The following RNF121 variants were observed in gnomAD, a reference collection of about 807,000 sequenced individuals.
RNF121 encodes E3 ubiquitin ligase RNF121.
A neutral mutation model predicts 46.5 loss-of-function variants in RNF121; 21 were observed. The observed-to-expected ratio is 0.45, with a 90% CI of 0.32 to 0.65. RNF121 has a LOEUF of 0.65. Ranked by LOEUF, RNF121 falls within the 30% of genes least tolerant of loss-of-function variation. The pLI is 0.04. For synonymous variants in RNF121, 139 were observed against 144.7 expected (o/e 0.96, Z 0.28); for missense variants, 346 against 416.0 (o/e 0.83, Z 1.46).
At position 71,929,076 on chromosome 11, in the gene RNF121, G is replaced by T. The variant is rs1953194134; in HGVS notation, c.15G>T (p.Val5=). 1 of 1,551,626 alleles carries T rather than the reference G, an allele frequency of 6.4e-7. No homozygotes were observed. The highest frequency in any genetic ancestry group is 8.7e-7 in the Non-Finnish European group (1 of 1,147,048). The change falls in exon 1 of 9, where the codon GTG becomes GTT. Residue 5 remains valine, a synonymous_variant. Transcript: ENST00000361756. MAAV[V]EVEVGGGAAG... ...GAGCCGTGAAGATGGCGGCAGTGGT[G>T]GAGGTGGAGGTTGGAGGTGGTGCTG...
At chr11:71,946,590 A>T (rs1953724274) in intron 1 of RNF121, among the ~76,000 whole-genome samples, 1 of 152,002 alleles carries the variant, frequency 6.6e-6, no homozygotes, top group Non-Finnish European at 1.5e-5. Context: ...GTATAAAAGA[A>T]ATTAATGGTT....
Position 71,987,089 on chromosome 11 carries a change from T to A in RNF121, c.484T>A (p.Phe162Ile), listed in dbSNP as rs758925411. 1.2e-6 allele frequency: 2 copies of A among 1,611,126 alleles called. No individual in the cohort carries two copies. The highest frequency in any genetic ancestry group is 1.7e-6 in the Non-Finnish European group (2 of 1,177,446). ...VGYMAVMFTLFGLNLLFKIKP... is the reference protein window; with the variant it reads ...VGYMAVMFTLIGLNLLFKIKP... Reference sequence around the variant, plus strand: ...CTACATGGCTGTCATGTTTACCCTCTTTGGTCTTAACTTATTATTCAAGTG... The same window carrying A: ...CTACATGGCTGTCATGTTTACCCTCATTGGTCTTAACTTATTATTCAAGTG... The change falls in exon 5 of 9, where the codon TTT becomes ATT. Residue 162 changes from phenylalanine (F) to isoleucine (I), a missense_variant. Physicochemically the swap from Phe to Ile is conservative, Grantham distance 21. Around this residue, in one of 2 missense-constraint regions of RNF121, gnomAD observed 286 missense variants for 383.8 expected, o/e 0.75. Coordinates refer to ENST00000361756, the MANE Select transcript of RNF121 (RefSeq NM_018320.5).
In RNF121 at chr11:71,982,857, G is replaced by A; in HGVS notation, c.340G>A (p.Val114Ile). Residue 114 changes from valine to isoleucine, a missense_variant, in exon 4 of 9, where the codon GTC becomes ATC. Around this residue, in one of 2 missense-constraint regions of RNF121, gnomAD observed 286 missense variants for 383.8 expected, o/e 0.75. Coordinates refer to ENST00000361756, the MANE Select transcript of RNF121 (RefSeq NM_018320.5). ...AGTGATCTGGATCTTGTTCTCTGCT[G>A]TCACAGCCTTTGTTACCTTCCGAGC... ...FLVIWILFSA[V>I]TAFVTFRATR... The A allele has an allele frequency of 6.2e-7, 1 of 1,614,020 alleles. No homozygotes were observed. Among genetic ancestry groups the A allele is most frequent in the Non-Finnish European group, 8.5e-7 (1 of 1,179,964 alleles).
Position 71,996,378 on chromosome 11 carries a change from C to T in RNF121, c.*63C>T. The T allele has an allele frequency of 1.3e-6, 2 of 1,586,266 alleles. No homozygotes were observed. Among genetic ancestry groups the T allele is most frequent in the Non-Finnish European group, 1.7e-6 (2 of 1,163,798 alleles). ...CATGGACCTCAGGGCACTCTCCTCC[C>T]TGCCCACAAAGACCTCCTGGGTGGG... On this transcript the variant is annotated 3_prime_UTR_variant, in exon 9 of 9. Transcript: ENST00000361756.
chr11:71,985,977 T>G (rs1208085741), intron 4 of RNF121, among the ~76,000 whole-genome samples: 1 of 152,044 alleles, frequency 6.6e-6, no homozygotes, highest in East Asian at 1.9e-4. Flanking sequence ...GGGAACCATC[T>G]TTCTTGCTGA....
intron 3 of RNF121, among the ~76,000 whole-genome samples, chr11:71,974,416 C>G (rs1954485745): frequency 6.6e-6 from 1 of 152,198 alleles, no homozygotes; most frequent in African/African-American, 2.4e-5. Context: ...GTTCTTTCTC[C>G]TCAGTAGACT....
intron 2 of RNF121, 142 bp from the exon 3 acceptor site, chr11:71,960,608 C>A: frequency 1.1e-6 from 1 of 901,480 alleles, no homozygotes; most frequent in Non-Finnish European, 1.6e-6. Flanking sequence ...TGTGTCCTAG[C>A]CCCTAATTTG....
rs1011607987 is a variant in RNF121, at chr11:71,957,659, G to A, written c.101+395G>A. ...GTGCCTGGCATGTGGTAAGCTTACAGTAAGTGTTAACTGCTTTGAAGATGA... is the reference window on the plus strand; with the variant it reads ...GTGCCTGGCATGTGGTAAGCTTACAATAAGTGTTAACTGCTTTGAAGATGA... On this transcript the variant is annotated intron_variant, in intron 2 of 8. Transcript: ENST00000361756. Among the ~76,000 whole-genome samples the A allele has an allele frequency of 3.9e-5, 6 of 152,194 alleles. No individual in the cohort carries two copies. In the East Asian group the frequency reaches 1.2e-3, roughly 29 times the overall value.
rs183196293 is a variant in RNF121 at position 71,982,921 on chromosome 11, A to G, written c.398+6A>G. ...CTAGTACAGACAACCCCAAGGTGAGAGTTTAAGTAGTGGGAAGAGCCCAGG... is the reference window on the plus strand; with the variant it reads ...CTAGTACAGACAACCCCAAGGTGAGGGTTTAAGTAGTGGGAAGAGCCCAGG... On this transcript the variant is annotated splice_donor_region_variant and intron_variant, in intron 4 of 8. Coordinates refer to ENST00000361756, the MANE Select transcript of RNF121 (RefSeq NM_018320.5). The G allele has an allele frequency of 1.9e-6, 3 of 1,600,104 alleles. No homozygotes were observed. Among genetic ancestry groups the G allele is most frequent in the East Asian group, 2.3e-5 (1 of 44,302 alleles).
chr11:71,934,618 T>G (rs1953357787), intron 1 of RNF121, among the ~76,000 whole-genome samples: 1 of 152,240 alleles, frequency 6.6e-6, no homozygotes, highest in Non-Finnish European at 1.5e-5. Context: ...CAAGCCAATA[T>G]CTTACTGAGG....
In RNF121 at chr11:71,929,127, A is replaced by G; in HGVS notation, c.63+3A>G. ...CTGGGGAACGGGAGCTGGATGAGGT[A>G]AGCGGAGTTGAGAGACGAGGAGAGA... On this transcript the variant is annotated splice_donor_region_variant and intron_variant, in intron 1 of 8. Transcript: ENST00000361756. The G allele has an allele frequency of 6.4e-7, 1 of 1,551,230 alleles. No individual in the cohort carries two copies. Among genetic ancestry groups the G allele is most frequent in the Non-Finnish European group, 8.7e-7 (1 of 1,146,854 alleles).
chr11:71,990,142 G>A (rs982191359), intron 5 of RNF121, among the ~76,000 whole-genome samples: 1 of 152,188 alleles, frequency 6.6e-6, no homozygotes, highest in East Asian at 1.9e-4. Flanking sequence ...CCCAGATTCT[G>A]GCATGCCCTT....
At chr11:71,995,118 A>T in intron 7 of RNF121, 1 of 565,192 alleles carries the variant, frequency 1.8e-6, no homozygotes, top group East Asian at 2.9e-5. Context: ...GACCAGTCAC[A>T]GGGGAAGAGG....
At chr11:71,987,856 G>A (rs1954798650) in intron 5 of RNF121, among the ~76,000 whole-genome samples, 1 of 152,200 alleles carries the variant, frequency 6.6e-6, no homozygotes, top group Non-Finnish European at 1.5e-5. Flanking sequence ...CAGAGCTTAG[G>A]TGTGAGGGAA....
At chr11:71,934,561 A>G (rs1240284303) in intron 1 of RNF121, among the ~76,000 whole-genome samples, 3 of 152,218 alleles carry the variant, frequency 2.0e-5, no homozygotes, top group Non-Finnish European at 2.9e-5. Context: ...GACATTTAGT[A>G]AATGTTCCTT....
chr11:71,984,520 T>C (rs759128792), intron 4 of RNF121, among the ~76,000 whole-genome samples: 11 of 152,086 alleles, frequency 7.2e-5, no homozygotes, highest in Non-Finnish European at 1.6e-4. Flanking sequence ...GACCTCATGA[T>C]CTGCCTGCCT....
In RNF121 at chr11:71,951,122, G is replaced by A. The variant is rs193232439; in HGVS notation, c.64-6105G>A. Among the ~76,000 whole-genome samples the A allele has an allele frequency of 1.9e-4, 29 of 151,754 alleles. No homozygotes were observed. In the South Asian group the frequency reaches 5.2e-3, roughly 27 times the overall value. On this transcript the variant is annotated intron_variant, in intron 1 of 8. Coordinates refer to ENST00000361756, the MANE Select transcript of RNF121 (RefSeq NM_018320.5). ...GCCTGTAATCTCAACTACTCGGGAC[G>A]CTGAGGTGGGAGAATCGCTTGAACC...
intron 1 of RNF121, among the ~76,000 whole-genome samples, chr11:71,941,829 A>G (rs1953574751): frequency 6.6e-6 from 1 of 152,336 alleles, no homozygotes; most frequent in South Asian, 2.1e-4. Flanking sequence ...TAGCAAAGGA[A>G]AAATGGTTCT....
At chr11:71,951,210 A>AAC in intron 1 of RNF121, among the ~76,000 whole-genome samples, 1 of 2,452 alleles carries the variant, frequency 4.1e-4, no homozygotes, top group Non-Finnish European at 4.8e-3. Flanking sequence ...ACTCCGTCTC[A>AAC]AAAAAAAAAA....
Sources: allele counts gnomAD v4.1 joint callset (sites outside exome capture counted in the v4.1 genomes callset), GRCh38; gene constraint gnomAD v4.1.1; regional missense constraint gnomAD v4.1.1; transcripts MANE v1.5; gene names NCBI Gene and HGNC (gene_info 2026-07-23, HGNC 2026-07-21).